CPA6: variants seen among roughly 807,000 people sequenced by gnomAD.
CPA6 encodes carboxypeptidase B.
CPA6 carries 58 observed loss-of-function variants against 63.3 expected under a neutral mutation model. The observed-to-expected ratio is 0.92, with a 90% CI of 0.74 to 1.14. The LOEUF (loss-of-function observed/expected upper bound fraction) is 1.14. Among genes scored for constraint, CPA6 ranks in the 50% most tolerant of loss-of-function variants. The pLI, the probability that CPA6 is intolerant of heterozygous loss-of-function variation, is 0.00. For synonymous variants in CPA6, 185 were observed against 179.0 expected, an observed-to-expected ratio of 1.03 and a Z score of -0.27; for missense variants, 565 against 526.6, an observed-to-expected ratio of 1.07 and a Z score of -0.71.
chr8:67,652,068 T>C (rs1046570543), intron 1 of CPA6, among the ~76,000 whole-genome samples: 1 of 152,196 alleles, frequency 6.6e-6, no homozygotes, highest in Non-Finnish European at 1.5e-5. Context: ...GCAAAGGACA[T>C]GAACTCATCA....
intron 1 of CPA6, among the ~76,000 whole-genome samples, chr8:67,673,810 G>C (rs1192316079): frequency 6.6e-6 from 1 of 152,158 alleles, no homozygotes; most frequent in Non-Finnish European, 1.5e-5. Flanking sequence ...CTGTGCGCCA[G>C]ACACTACTGA....
chr8:67,447,025 T>C (rs1190188656), intron 8 of CPA6, among the ~76,000 whole-genome samples: 1 of 128,390 alleles, frequency 7.8e-6, no homozygotes, highest in Non-Finnish European at 1.5e-5. Context: ...CACACACACA[T>C]ATATATACAC....
intron 3 of CPA6, among the ~76,000 whole-genome samples, chr8:67,516,564 G>A (rs984721828): frequency 6.6e-6 from 1 of 152,160 alleles, no homozygotes; most frequent in African/African-American, 2.4e-5. Flanking sequence ...GAACAGGAAT[G>A]GACTCTGCTG....
At chr8:67,471,725 T>C (rs1409283765) in intron 8 of CPA6, among the ~76,000 whole-genome samples, 1 of 152,218 alleles carries the variant, frequency 6.6e-6, no homozygotes, top group African/African-American at 2.4e-5. Flanking sequence ...CCTACATCTG[T>C]GTTTGAGAAT....
intron 1 of CPA6, among the ~76,000 whole-genome samples, chr8:67,682,137 A>T (rs139635102): frequency 2.7e-5 from 4 of 148,918 alleles, no homozygotes; most frequent in African/African-American, 9.9e-5. Context: ...AGCTTCTTGT[A>T]CTCCAGGTTT....
intron 1 of CPA6, among the ~76,000 whole-genome samples, chr8:67,704,589 G>C (rs540275048): frequency 6.6e-6 from 1 of 152,142 alleles, no homozygotes; most frequent in Non-Finnish European, 1.5e-5. Context: ...CAAGGTTAGG[G>C]GTACCTGGTA....
In CPA6 at chr8:67,554,108, G is replaced by A. The variant is rs139063041; in HGVS notation, c.193-36061C>T. Among the ~76,000 whole-genome samples the A allele has an allele frequency of 4.6e-3, 701 of 152,256 alleles. 4 individuals carry two copies. Among genetic ancestry groups the A allele is most frequent in the African/African-American group, 0.016 (646 of 41,534 alleles). On this transcript the variant is annotated intron_variant, in intron 2 of 10. Transcript: ENST00000297770. ...TATAGAGAGACACATGAAAAAGGAC[G>A]TGTCTATTACACTCTTGATTAGGGA...
intron 8 of CPA6, among the ~76,000 whole-genome samples, chr8:67,447,231 C>T (rs1230476869): frequency 6.6e-6 from 1 of 151,772 alleles, no homozygotes; most frequent in Non-Finnish European, 1.5e-5. Context: ...TGTGGAACTC[C>T]TTCCATTCAG....
intron 2 of CPA6, among the ~76,000 whole-genome samples, chr8:67,606,245 T>C: frequency 6.6e-6 from 1 of 151,036 alleles, no homozygotes; most frequent in East Asian, 2.0e-4. Context: ...GATGAGTTAA[T>C]GGGTGCAGCA....
At chr8:67,609,234 C>T (rs1025918429) in intron 2 of CPA6, among the ~76,000 whole-genome samples, 40 of 152,212 alleles carry the variant, frequency 2.6e-4, no homozygotes, top group African/African-American at 9.4e-4. Flanking sequence ...ATCCTGATTA[C>T]AACACCCTCA....
chr8:67,443,434 A>T (rs1259332345), intron 8 of CPA6, among the ~76,000 whole-genome samples: 1 of 151,938 alleles, frequency 6.6e-6, no homozygotes, highest in Non-Finnish European at 1.5e-5. Context: ...CTTGTCATCT[A>T]ATCCTAAGTT....
At chr8:67,507,046 G>T (rs910780008) in intron 5 of CPA6, among the ~76,000 whole-genome samples, 158 bp from the exon 6 acceptor site, 2 of 152,058 alleles carry the variant, frequency 1.3e-5, no homozygotes, top group Non-Finnish European at 2.9e-5. Context: ...GAAAGTCCAG[G>T]CTTCTTTATG....
At chr8:67,742,666 G>A (rs1407164637) in intron 1 of CPA6, among the ~76,000 whole-genome samples, 3 of 152,128 alleles carry the variant, frequency 2.0e-5, no homozygotes, top group Non-Finnish European at 2.9e-5. Flanking sequence ...CAGCAACTTG[G>A]TGAGGAAGGT....
chr8:67,596,343 T>G (rs1021403857), intron 2 of CPA6, among the ~76,000 whole-genome samples: 1 of 152,318 alleles, frequency 6.6e-6, no homozygotes, highest in African/African-American at 2.4e-5. Flanking sequence ...ATTTTGCAAT[T>G]AAAACTACCA....
At chr8:67,451,637 G>T (rs1810559806) in intron 8 of CPA6, among the ~76,000 whole-genome samples, 1 of 152,092 alleles carries the variant, frequency 6.6e-6, no homozygotes, top group Non-Finnish European at 1.5e-5. Flanking sequence ...CCATGAAACT[G>T]GTCCCTGGTG....
intron 8 of CPA6, among the ~76,000 whole-genome samples, chr8:67,464,277 A>AT (rs1478082366): frequency 1.3e-5 from 2 of 152,058 alleles, no homozygotes; most frequent in Non-Finnish European, 2.9e-5. Flanking sequence ...GATATGGAGC[A>AT]TTTTTTCATA....
chr8:67,706,033 G>C (rs1435032067), intron 1 of CPA6, among the ~76,000 whole-genome samples: 1 of 152,096 alleles, frequency 6.6e-6, no homozygotes, highest in Non-Finnish European at 1.5e-5. Flanking sequence ...AAAATAACTG[G>C]TTGTTTACAA....
chr8:67,550,764 T>A (rs776686071), intron 2 of CPA6, among the ~76,000 whole-genome samples: 17 of 152,190 alleles, frequency 1.1e-4, no homozygotes, highest in Non-Finnish European at 2.4e-4. Flanking sequence ...TCTGGTGGTT[T>A]TGATTTGCAT....
At chr8:67,488,826 G>A (rs763579224) in intron 6 of CPA6, among the ~76,000 whole-genome samples, 69 of 152,168 alleles carry the variant, frequency 4.5e-4, no homozygotes, top group Non-Finnish European at 8.5e-4. Flanking sequence ...TTGTGAATGG[G>A]AGTTCACTCA....
Sources: allele counts gnomAD v4.1 joint callset (sites outside exome capture counted in the v4.1 genomes callset), GRCh38; gene constraint gnomAD v4.1.1; transcripts MANE v1.5; gene names NCBI Gene and HGNC (gene_info 2026-07-23, HGNC 2026-07-21).